TPR: variants seen among roughly 807,000 people sequenced by gnomAD.
TPR encodes translocated promoter region, nuclear basket protein.
Under a neutral mutation model 316.1 loss-of-function variants are expected in TPR, and 51 were observed. That is an observed-to-expected ratio of 0.16 (90% CI 0.13 to 0.20). The LOEUF is 0.20. Ranked by LOEUF, TPR falls within the 10% of genes least tolerant of loss-of-function variation. The probability of loss-of-function intolerance (pLI) is 1.00; values close to 1 mark genes in which losing one functional copy is unlikely to be tolerated. For missense variants in TPR, 2,272 were observed against 2,754.8 expected, an observed-to-expected ratio of 0.82 and a Z score of 3.92; for synonymous variants, 981 against 914.7, an observed-to-expected ratio of 1.07 and a Z score of -1.31.
chr1:186,317,014 C>T (rs1352247502), intron 49 of TPR, among the ~76,000 whole-genome samples: 1 of 152,194 alleles, frequency 6.6e-6, no homozygotes, highest in African/African-American at 2.4e-5. Context: ...CAACTGAGCT[C>T]TTACCCCTTA....
chr1:186,349,269 G>C lies in TPR; in HGVS notation c.2776+954C>G, dbSNP rs145165570. On this transcript the variant is annotated intron_variant, in intron 21 of 50. Transcript: ENST00000367478. ...ATACTATACTGAAGTAGTTTCTACT[G>C]AATGTGTACTGCTTTTGCACCACAG... Among the ~76,000 whole-genome samples, 121 of 152,318 alleles carry C rather than the reference G, an allele frequency of 7.9e-4. 1 individual carries two copies. The highest frequency in any genetic ancestry group is 2.6e-3 in the African/African-American group (108 of 41,558).
intron 4 of TPR, among the ~76,000 whole-genome samples, chr1:186,366,220 T>A (rs931826719): frequency 2.0e-5 from 3 of 152,228 alleles, no homozygotes; most frequent in Non-Finnish European, 2.9e-5. Context: ...CTTCTACCTC[T>A]GCAACCTGAC....
intron 31 of TPR, 146 bp from the exon 32 acceptor site, chr1:186,337,302 G>A (rs1209745191): frequency 3.1e-6 from 3 of 980,850 alleles, no homozygotes; most frequent in Middle Eastern, 3.0e-4. Flanking sequence ...TGAAACAACT[G>A]TAATCTCCAA....
At chr1:186,374,265 C>T (rs2101997258) in intron 1 of TPR, among the ~76,000 whole-genome samples, 1 of 152,214 alleles carries the variant, frequency 6.6e-6, no homozygotes, top group East Asian at 1.9e-4. Context: ...AACTTTCTTA[C>T]TTAAAGGCCT....
At chr1:186,370,489 C>T (rs1398061147) in intron 3 of TPR, among the ~76,000 whole-genome samples, 1 of 151,686 alleles carries the variant, frequency 6.6e-6, no homozygotes. Flanking sequence ...TTTTTTTTTC[C>T]CTTCAGAAAT....
intron 4 of TPR, among the ~76,000 whole-genome samples, chr1:186,366,778 A>T (rs1200033891): frequency 1.3e-5 from 2 of 152,118 alleles, no homozygotes; most frequent in Non-Finnish European, 2.9e-5. Flanking sequence ...TTTATAAATA[A>T]TCATTAAGCT....
rs950171949 is a variant in TPR at position 186,375,231 on chromosome 1, C to T, written c.-203G>A. On this transcript the variant is annotated 5_prime_UTR_variant, in exon 1 of 51. Transcript: ENST00000367478. ...CTCAGCGGCAGCGTTTCAGCAACAG[C>T]ACCTCACCGCCCGCGACCGAAGTGC... The T allele has an allele frequency of 6.8e-7, 1 of 1,464,440 alleles. No homozygotes were observed. The highest frequency in any genetic ancestry group is 9.0e-7 in the Non-Finnish European group (1 of 1,106,742). The allele number at this position is 1,464,440 out of a possible 1,614,324, so 90.7% of individuals were successfully genotyped here. A position where few individuals can be genotyped will look rare whatever the true frequency, so the allele number is the denominator to read the frequency against.
chr1:186,314,078 T>C lies in TPR; in HGVS notation c.7037-52A>G, dbSNP rs773271444. The C allele has an allele frequency of 2.6e-6, 4 of 1,535,024 alleles. No individual in the cohort carries two copies. In the Admixed American group the frequency reaches 6.8e-5, roughly 26 times the overall value. On this transcript the variant is annotated intron_variant, in intron 50 of 50. Transcript: ENST00000367478. ...AATATATCTTTTAAGAATTCAAAAC[T>C]AGTGTATTCACTTACCCTAGTTCAT...
chr1:186,336,967 T>A, intron 32 of TPR, 46 bp downstream of exon 32: 1 of 1,610,444 alleles, frequency 6.2e-7, no homozygotes, highest in Non-Finnish European at 8.5e-7. Context: ...TTTCTTTAGG[T>A]GTATAACAGG....
intron 17 of TPR, chr1:186,354,077 C>T: frequency 2.4e-6 from 1 of 410,486 alleles, no homozygotes; most frequent in South Asian, 4.6e-5. Context: ...TCAGATTTGC[C>T]TCAACCTCAA....
At chr1:186,353,098 C>A (rs1658913253) in intron 18 of TPR, among the ~76,000 whole-genome samples, 1 of 152,134 alleles carries the variant, frequency 6.6e-6, no homozygotes. Context: ...TCTGGCCAGG[C>A]ACTGTGGCTC....
intron 17 of TPR, among the ~76,000 whole-genome samples, 185 bp downstream of exon 17, chr1:186,355,225 A>G (rs1220080658): frequency 6.6e-6 from 1 of 152,042 alleles, no homozygotes; most frequent in Non-Finnish European, 1.5e-5. Flanking sequence ...AAACAAGCTA[A>G]ACCCTTAGCA....
chr1:186,331,450 C>T, intron 39 of TPR, 48 bp downstream of exon 39: 1 of 1,338,858 alleles, frequency 7.5e-7, no homozygotes, highest in Non-Finnish European at 1.0e-6. Flanking sequence ...AAGCTAATTT[C>T]ATTCACGAAA....
chr1:186,337,115 C>T lies in TPR; in HGVS notation c.4404G>A (p.Glu1468=). 9 of 1,613,820 alleles carry T rather than the reference C, an allele frequency of 5.6e-6. No individual in the cohort carries two copies. The highest frequency in any genetic ancestry group is 7.6e-6 in the Non-Finnish European group (9 of 1,179,820). Residue 1468 remains glutamate (E), a synonymous_variant, in exon 32 of 51, where the codon GAG becomes GAA. Coordinates refer to ENST00000367478, the MANE Select transcript of TPR (RefSeq NM_003292.3). ...TSAQSSGDHQ[E]QHVSVQEMQE... is the part of the protein sequence containing the mutation. The stretch of plus-strand genomic sequence containing the variant: ...GCATTTCCTGGACTGAAACATGCTG[C>T]TCCTGATGGTCTCCAGAGGACTGAG...
chr1:186,356,791 TAGGTTCTCC>T (rs1005672747), intron 14 of TPR, among the ~76,000 whole-genome samples: 4 of 152,312 alleles, frequency 2.6e-5, no homozygotes, highest in South Asian at 2.1e-4. Flanking sequence ...AATTCTTACA[TAGGTTCTCC>T]AGGTTCTCCA....
intron 10 of TPR, among the ~76,000 whole-genome samples, 185 bp from the exon 11 acceptor site, chr1:186,360,549 AT>A (rs1659155055): frequency 1.3e-5 from 2 of 152,086 alleles, no homozygotes; most frequent in Admixed American, 6.6e-5. Context: ...TAACCTGGGA[AT>A]TTACAAGACT....
Position 186,313,884 on chromosome 1 carries a change from T to C in TPR, c.*87A>G. On this transcript the variant is annotated 3_prime_UTR_variant, in exon 51 of 51. Transcript: ENST00000367478. ...ATATTGACATGAGTATACCAGTTTA[T>C]ATATAAAAATGTTTTTAAACTTGAC... 5 of 1,486,874 alleles carry C rather than the reference T, an allele frequency of 3.4e-6. No individual in the cohort carries two copies. The highest frequency in any genetic ancestry group is 4.7e-6 in the Non-Finnish European group (5 of 1,066,578). The allele number at this position is 1,486,874 out of a possible 1,614,324, so 92.1% of individuals were successfully genotyped here.
At chr1:186,374,122 T>C (rs1659616307) in intron 1 of TPR, among the ~76,000 whole-genome samples, 1 of 152,204 alleles carries the variant, frequency 6.6e-6, no homozygotes, top group Non-Finnish European at 1.5e-5. Context: ...CCAGTCAACT[T>C]AGCAAGAACA....
intron 32 of TPR, 119 bp downstream of exon 32, chr1:186,336,894 G>T: frequency 6.7e-7 from 1 of 1,482,772 alleles, no homozygotes; most frequent in Non-Finnish European, 9.1e-7. Flanking sequence ...GCCATTCAAA[G>T]TAAAAAGAAT....
Sources: gnomAD v4.1 joint callset for allele counts (sites outside exome capture counted in the v4.1 genomes callset) on GRCh38, gnomAD v4.1.1 for gene constraint, MANE v1.5 for transcripts, NCBI Gene and HGNC (gene_info 2026-07-23, HGNC 2026-07-21) for gene names.